NUMBL: variants seen among roughly 807,000 people sequenced by gnomAD.
NUMBL encodes NUMB like endocytic adaptor protein.
In NUMBL, 20 loss-of-function variants were observed where a neutral mutation model predicts 48.9. That is an observed-to-expected ratio of 0.41 (90% CI 0.29 to 0.59). The LOEUF is 0.59. NUMBL is among the 20% of genes least tolerant of loss of function. NUMBL has a pLI of 0.31. For missense variants in NUMBL, 660 were observed against 846.2 expected (o/e 0.78, Z 2.73); for synonymous variants, 340 against 348.7 (o/e 0.98, Z 0.28).
At position 40,667,126 on chromosome 19, in the gene NUMBL, T is replaced by TG. The variant is rs1479350344; in HGVS notation, c.*341dup. On this transcript the variant is annotated 3_prime_UTR_variant, in exon 10 of 10. Transcript: ENST00000252891. The surrounding 1 kb of genome is among the most constrained non-coding windows in gnomAD (Gnocchi z 6.1). ...CTCCATCCTGTCCAACACTGGAAGG[T>TG]GGGGGTCAACAGAAACTGGGAAATG... is the stretch of plus-strand genomic sequence containing the variant. The TG allele has an allele frequency of 6.6e-6, 2 of 301,328 alleles. No homozygotes were observed. The highest frequency in any genetic ancestry group is 1.9e-4 in the East Asian group (2 of 10,696). The allele number at this position is 301,328 out of a possible 1,614,324, so 18.7% of individuals were successfully genotyped here. A position where few individuals can be genotyped will look rare whatever the true frequency, so the allele number is the denominator to read the frequency against.
chr19:40,682,992 G>C lies in NUMBL; in HGVS notation c.250-24C>G, dbSNP rs768263311. 5.6e-6 allele frequency: 9 copies of C among 1,608,328 alleles called. No individual in the cohort carries two copies. Among genetic ancestry groups the C allele is most frequent in the Non-Finnish European group, 7.7e-6 (9 of 1,175,200 alleles). ...TACTTGGGTTGGAGGGAATGGGGGGGGGGACATGAAACAGCACAGTAATCA... is the reference window on the plus strand; with the variant it reads ...TACTTGGGTTGGAGGGAATGGGGGGCGGGACATGAAACAGCACAGTAATCA... On this transcript the variant is annotated intron_variant, in intron 3 of 9. Transcript: ENST00000252891. This position sits in a 1 kb window ranked among gnomAD's most constrained non-coding sequence, Gnocchi z 4.0.
At position 40,684,371 on chromosome 19, in the gene NUMBL, G is replaced by A. The variant is rs1192516698; in HGVS notation, c.249+46C>T. ...GCGCACCCGCACAGCACAGCACAGC[G>A]GCCCCCGTCCCCCTCGCCCCGCCGC... On this transcript the variant is annotated intron_variant, in intron 3 of 9. Coordinates refer to ENST00000252891, the MANE Select transcript of NUMBL (RefSeq NM_004756.5). 12 of 1,526,346 alleles carry A rather than the reference G, an allele frequency of 7.9e-6. No homozygotes were observed. In the Admixed American group the frequency reaches 1.6e-4, roughly 20 times the overall value. The allele number at this position is 1,526,346 out of a possible 1,614,324, so 94.6% of individuals were successfully genotyped here.
chr19:40,683,087 A>G (rs2081914106), intron 3 of NUMBL, 119 bp from the exon 4 acceptor site: 1 of 887,030 alleles, frequency 1.1e-6, no homozygotes, highest in Admixed American at 1.9e-5. Flanking sequence ...TGTGTATGCA[A>G]TCATTTATTC....
chr19:40,686,336 TACAG>T (rs1599915067), intron 2 of NUMBL, among the ~76,000 whole-genome samples: 1 of 151,924 alleles, frequency 6.6e-6, no homozygotes, highest in East Asian at 1.9e-4. Flanking sequence ...GTATTTTTAG[TACAG>T]ACAGAGTTTC....
Position 40,687,111 on chromosome 19 carries a change from A to C in NUMBL, c.25-116T>G, listed in dbSNP as rs1031693646. 6.5e-6 allele frequency: 4 copies of C among 619,096 alleles called. No individual in the cohort carries two copies. Among genetic ancestry groups the C allele is most frequent in the Non-Finnish European group, 1.1e-5 (4 of 362,826 alleles). The allele number at this position is 619,096 out of a possible 1,614,324, so 38.4% of individuals were successfully genotyped here. A position where few individuals can be genotyped will look rare whatever the true frequency, so the allele number is the denominator to read the frequency against. On this transcript the variant is annotated intron_variant, in intron 1 of 9. Transcript: ENST00000252891. The surrounding 1 kb of genome is among the most constrained non-coding windows in gnomAD (Gnocchi z 4.6). ...CCTCCATCTTGGGCTCCCTGATGAG[A>C]GTCCTAGTTGTCCTAGCAACTGTTA...
intron 6 of NUMBL, among the ~76,000 whole-genome samples, chr19:40,680,309 G>A (rs2081898374): frequency 6.6e-6 from 1 of 152,002 alleles, no homozygotes; most frequent in Non-Finnish European, 1.5e-5. Context: ...CACCATGCCT[G>A]TCTACTTTTT....
At position 40,682,146 on chromosome 19, in the gene NUMBL, G is replaced by GATGGAGTTTAGCTCTTGTTGCC. The variant is rs2081908387; in HGVS notation, c.399+560_399+581dup. Among the ~76,000 whole-genome samples the GATGGAGTTTAGCTCTTGTTGCC allele has an allele frequency of 6.6e-6, 1 of 151,804 alleles. No individual in the cohort carries two copies. The highest frequency in any genetic ancestry group is 1.5e-5 in the Non-Finnish European group (1 of 67,964). On this transcript the variant is annotated intron_variant, in intron 5 of 9. Transcript: ENST00000252891. This position sits in a 1 kb window ranked among gnomAD's most constrained non-coding sequence, Gnocchi z 4.0. ...TCTATTATAATCCCTGTTTTTCTGC[G>GATGGAGTTTAGCTCTTGTTGCC]ATGGAGTTTAGCTCTTGTTGCCCAG... is the stretch of plus-strand genomic sequence containing the variant.
chr19:40,667,884 C>T lies in NUMBL; in HGVS notation c.1414G>A (p.Ala472Thr), dbSNP rs1300068299. Residue 472 changes from alanine to threonine, a missense_variant, in exon 10 of 10, where the codon GCT (alanine) becomes ACT (threonine). Around this residue, in one of 3 missense-constraint regions of NUMBL, gnomAD observed 296 missense variants for 339.7 expected, o/e 0.87. Coordinates refer to ENST00000252891, the MANE Select transcript of NUMBL (RefSeq NM_004756.5). The surrounding 1 kb of genome is among the most constrained non-coding windows in gnomAD (Gnocchi z 6.1). ...PFPAPVGPFD[A>T]APAQVAVFLP... Reference sequence around the variant, plus strand: ...AACACGGCCACTTGGGCAGGTGCAGCGTCAAAGGGCCCCACGGGGGCGGGG... The same window carrying T: ...AACACGGCCACTTGGGCAGGTGCAGTGTCAAAGGGCCCCACGGGGGCGGGG... 6.3e-6 allele frequency: 10 copies of T among 1,584,400 alleles called. No homozygotes were observed. The highest frequency in any genetic ancestry group is 2.7e-5 in the African/African-American group (2 of 74,332).
intron 6 of NUMBL, among the ~76,000 whole-genome samples, chr19:40,679,756 C>A (rs753148591): frequency 2.6e-5 from 4 of 151,970 alleles, no homozygotes; most frequent in Non-Finnish European, 4.4e-5. Flanking sequence ...AATGAAATAT[C>A]CAGAATAGGT....
At chr19:40,675,522 TAATA>T (rs1386515850) in intron 7 of NUMBL, among the ~76,000 whole-genome samples, 17 of 131,988 alleles carry the variant, frequency 1.3e-4, no homozygotes, top group South Asian at 2.5e-4. Context: ...ATTAATTAAT[TAATA>T]AATAAATTAA....
Position 40,687,839 on chromosome 19 carries a change from G to A in NUMBL, c.25-844C>T, listed in dbSNP as rs1162561341. ...ATCTGGTCACAGATGCACACGGACA[G>A]ACACACATTTGGTCCCACGGAGACC... On this transcript the variant is annotated intron_variant, in intron 1 of 9. Transcript: ENST00000252891. This position sits in a 1 kb window ranked among gnomAD's most constrained non-coding sequence, Gnocchi z 4.6. Among the ~76,000 whole-genome samples, 1 of 152,204 alleles carries A rather than the reference G, an allele frequency of 6.6e-6. No homozygotes were observed. The highest frequency in any genetic ancestry group is 1.5e-5 in the Non-Finnish European group (1 of 68,036).
At chr19:40,676,208 C>T (rs2081875282) in intron 7 of NUMBL, among the ~76,000 whole-genome samples, 2 of 152,112 alleles carry the variant, frequency 1.3e-5, no homozygotes, top group Non-Finnish European at 2.9e-5. Context: ...CTGGGAAACA[C>T]AGCAAGATCC....
At position 40,681,046 on chromosome 19, in the gene NUMBL, G is replaced by A. The variant is rs112715509; in HGVS notation, c.411C>T (p.Val137=). Residue 137 remains valine (V), a synonymous_variant, in exon 6 of 10, where the codon GTC becomes GTT. Transcript: ENST00000252891. ...VVDDKTKDLL[V]DQTIEKVSFC... is the part of the protein sequence containing the mutation. ...AGGAGACCTTTTCGATGGTCTGGTC[G>A]ACCAGAAGATCCTAGGAGGGGCCGG... is the stretch of plus-strand genomic sequence containing the variant. 51 of 1,614,126 alleles carry A rather than the reference G, an allele frequency of 3.2e-5. 1 individual carries two copies. In the African/African-American group the frequency reaches 3.7e-4, roughly 12 times the overall value.
chr19:40,681,411 T>A (rs188834849), intron 5 of NUMBL, among the ~76,000 whole-genome samples: 12 of 152,208 alleles, frequency 7.9e-5, no homozygotes, highest in Non-Finnish European at 1.5e-4. Flanking sequence ...AGAAAAAAAG[T>A]CAAGGAACAG....
chr19:40,669,844 G>A, intron 9 of NUMBL, 54 bp downstream of exon 9: 1 of 1,590,016 alleles, frequency 6.3e-7, no homozygotes, highest in Non-Finnish European at 8.6e-7. Context: ...GGATAGAGGA[G>A]GGGATACAGG....
In NUMBL at chr19:40,682,601, C is replaced by T. The variant is rs970003954; in HGVS notation, c.399+127G>A. 3.9e-6 allele frequency: 3 copies of T among 777,176 alleles called. No homozygotes were observed. The highest frequency in any genetic ancestry group is 5.3e-5 in the Admixed American group (2 of 37,736). 48.1% of individuals were successfully genotyped at this position (777,176 alleles called of 1,614,324 possible). On this transcript the variant is annotated intron_variant, in intron 5 of 9. Transcript: ENST00000252891. This position sits in a 1 kb window ranked among gnomAD's most constrained non-coding sequence, Gnocchi z 4.0. ...TCCTGAGTTATGACGACAGAGGGAG[C>T]ACACGGCATCGTCTAGAAGGTCCCT... is the stretch of plus-strand genomic sequence containing the variant.
chr19:40,677,917 C>T (rs979880450), intron 6 of NUMBL, among the ~76,000 whole-genome samples: 20 of 152,062 alleles, frequency 1.3e-4, no homozygotes, highest in South Asian at 4.2e-4. Flanking sequence ...AGGGGATGAC[C>T]GGGTGGTGGC....
chr19:40,684,259 G>C, intron 3 of NUMBL, 158 bp downstream of exon 3: 1 of 728,714 alleles, frequency 1.4e-6, no homozygotes, highest in Non-Finnish European at 2.1e-6. Flanking sequence ...TAGTAGAGCC[G>C]GGGTTTCACC....
At chr19:40,679,368 G>A (rs1205128249) in intron 6 of NUMBL, among the ~76,000 whole-genome samples, 1 of 152,034 alleles carries the variant, frequency 6.6e-6, no homozygotes, top group African/African-American at 2.4e-5. Context: ...GAGAGACGCT[G>A]TGTCATTAAA....
Sources: gnomAD v4.1 joint callset for allele counts (sites outside exome capture counted in the v4.1 genomes callset) on GRCh38, gnomAD v4.1.1 for gene constraint, gnomAD v4.1.1 regional missense constraint, Gnocchi (gnomAD v3.1) non-coding constraint, MANE v1.5 for transcripts, NCBI Gene and HGNC (gene_info 2026-07-23, HGNC 2026-07-21) for gene names.